PAPLN: variants seen among roughly 807,000 people sequenced by gnomAD.
PAPLN encodes the protein papilin, proteoglycan like sulfated glycoprotein.
In PAPLN, 146 loss-of-function variants were observed where a neutral mutation model predicts 159.0. That is an observed-to-expected ratio of 0.92 (90% CI 0.80 to 1.05). The LOEUF (loss-of-function observed/expected upper bound fraction) is 1.05. Among genes scored for constraint, PAPLN ranks in the 50% least tolerant of loss-of-function variants. The pLI, the probability that PAPLN is intolerant of heterozygous loss-of-function variation, is 0.00. For synonymous variants in PAPLN, 734 were observed against 702.9 expected (o/e 1.04, Z -0.70); for missense variants, 1,720 against 1,743.9 (o/e 0.99, Z 0.24).
intron 7 of PAPLN, 81 bp downstream of exon 7, chr14:73,251,111 G>A: frequency 6.5e-7 from 1 of 1,535,984 alleles, no homozygotes; most frequent in Non-Finnish European, 8.7e-7. Flanking sequence ...CTCTGGCCTA[G>A]ACTCCAGGCC....
chr14:73,268,230 A>C (rs758131063), intron 25 of PAPLN: 3 of 247,990 alleles, frequency 1.2e-5, no homozygotes, highest in Non-Finnish European at 2.3e-5. Flanking sequence ...TGCGATGCTG[A>C]CACACTATCT....
Position 73,265,259 on chromosome 14 carries a change from G to A in PAPLN, c.3126-111G>A. 6.7e-7 allele frequency: 1 copy of A among 1,488,564 alleles called. No homozygotes were observed. Among genetic ancestry groups the A allele is most frequent in the Non-Finnish European group, 8.9e-7 (1 of 1,118,856 alleles). 92.2% of individuals were successfully genotyped at this position (1,488,564 alleles called of 1,614,324 possible). A position where few individuals can be genotyped will look rare whatever the true frequency, so the allele number is the denominator to read the frequency against. On this transcript the variant is annotated intron_variant, in intron 22 of 26. Transcript: ENST00000644200. The surrounding 1 kb of genome is among the most constrained non-coding windows in gnomAD (Gnocchi z 4.1). ...ACAAGGCAGGGGATTTTAGGAAGCT[G>A]AATCTGGCTGGAGAGGGAGAAGGGG... is the stretch of plus-strand genomic sequence containing the variant.
chr14:73,254,824 C>G, intron 13 of PAPLN, 53 bp from the exon 14 acceptor site: 1 of 1,602,006 alleles, frequency 6.2e-7, no homozygotes. Flanking sequence ...ATGTGGGTCC[C>G]CGCCCCCAGC....
chr14:73,264,660 T>C lies in PAPLN; in HGVS notation c.3059T>C (p.Phe1020Ser), dbSNP rs1452459096. 1.9e-6 allele frequency: 3 copies of C among 1,609,032 alleles called. No homozygotes were observed. In the African/African-American group the frequency reaches 4.0e-5, roughly 22 times the overall value. The change falls in exon 22 of 27, where the codon TTT becomes TCT. Residue 1020 changes from phenylalanine (F) to serine (S), a missense_variant. Phe to Ser is a radical substitution (Grantham distance 155, BLOSUM62 -2). Transcript: ENST00000644200. ...FPQPRDPAQD[F>S]GQAGAAGPLG... ...CAGCCCAGGGACCCAGCTCAGGACTTTGGCCAAGCGGGGGCTGCTGGGCCC... is the reference window on the plus strand; with the variant it reads ...CAGCCCAGGGACCCAGCTCAGGACTCTGGCCAAGCGGGGGCTGCTGGGCCC...
At chr14:73,269,258 T>C (rs1371365842) in intron 26 of PAPLN, among the ~76,000 whole-genome samples, 3 of 151,232 alleles carry the variant, frequency 2.0e-5, no homozygotes, top group Non-Finnish European at 2.9e-5. Context: ...AAATGTGGCC[T>C]ACCTGGGACT....
chr14:73,239,544 T>G, intron 1 of PAPLN: 1 of 634,522 alleles, frequency 1.6e-6, no homozygotes, highest in South Asian at 2.7e-5. Context: ...GTTCTTGAAC[T>G]TCTGCCAGTT....
rs1341668980 is a variant in PAPLN, at chr14:73,265,810, T to C, written c.3263+303T>C. ...CAGCTATAACCATAATGGCTACCCT[T>C]TACTGAGCAGGCACTGAGTATGAGG... is the stretch of plus-strand genomic sequence containing the variant. On this transcript the variant is annotated intron_variant, in intron 23 of 26. Coordinates refer to ENST00000644200, the MANE Select transcript of PAPLN (RefSeq NM_001365906.3). The surrounding 1 kb of genome is among the most constrained non-coding windows in gnomAD (Gnocchi z 4.1). Among the ~76,000 whole-genome samples, 1 of 152,170 alleles carries C rather than the reference T, an allele frequency of 6.6e-6. No homozygotes were observed. The highest frequency in any genetic ancestry group is 2.1e-4 in the South Asian group (1 of 4,830).
chr14:73,246,276 A>G (rs899304178), intron 5 of PAPLN, 101 bp downstream of exon 5: 3 of 1,002,828 alleles, frequency 3.0e-6, no homozygotes, highest in African/African-American at 1.8e-5. Flanking sequence ...ATATATATAT[A>G]TATTAGAGAC....
chr14:73,264,784 C>A lies in PAPLN; in HGVS notation c.3125+58C>A, dbSNP rs554430902. ...CCACGCCAGGGCCAGGGCCGGGGGT[C>A]TCAGTGGATAAGGAGGGGAACGTCT... is the stretch of plus-strand genomic sequence containing the variant. On this transcript the variant is annotated intron_variant, in intron 22 of 26. Transcript: ENST00000644200. 2.5e-6 allele frequency: 4 copies of A among 1,603,974 alleles called. No individual in the cohort carries two copies. In the African/African-American group the frequency reaches 5.4e-5, roughly 22 times the overall value.
chr14:73,262,824 A>G lies in PAPLN; in HGVS notation c.2720A>G (p.Tyr907Cys), dbSNP rs1566701990. 6.8e-6 allele frequency: 10 copies of G among 1,475,676 alleles called. No homozygotes were observed. The highest frequency in any genetic ancestry group is 4.8e-5 in the East Asian group (2 of 41,488). 91.4% of individuals were successfully genotyped at this position (1,475,676 alleles called of 1,614,324 possible). ...SPAPPFHSSS[Y>C]RISLAGVEPS... ...GCGCCACCCTTCCACAGCTCCTCCTACAGGTGAGGCCCACCTTCCCCAGGT... is the reference window on the plus strand; with the variant it reads ...GCGCCACCCTTCCACAGCTCCTCCTGCAGGTGAGGCCCACCTTCCCCAGGT... Residue 907 changes from tyrosine to cysteine, a missense_variant, in exon 19 of 27, where the codon TAC becomes TGC. Coordinates refer to ENST00000644200, the MANE Select transcript of PAPLN (RefSeq NM_001365906.3).
intron 11 of PAPLN, 41 bp downstream of exon 11, chr14:73,252,816 G>T (rs780133663): frequency 1.2e-6 from 2 of 1,609,804 alleles, no homozygotes; most frequent in Non-Finnish European, 1.7e-6. Context: ...TGAGGCCCAA[G>T]AACTTGGGTG....
At chr14:73,243,095 C>G (rs529532409) in intron 2 of PAPLN, 2 of 152,368 alleles carry the variant, frequency 1.3e-5, no homozygotes, top group South Asian at 4.1e-4. Context: ...CGGGTTCAAG[C>G]AATTCTCCTG....
rs761036445 is a variant in PAPLN, at chr14:73,262,769, C to T, written c.2665C>T (p.Pro889Ser). 8 of 1,508,556 alleles carry T rather than the reference C, an allele frequency of 5.3e-6. No individual in the cohort carries two copies. In the East Asian group the frequency reaches 9.2e-5, roughly 17 times the overall value. 93.4% of individuals were successfully genotyped at this position (1,508,556 alleles called of 1,614,324 possible). Residue 889 changes from proline to serine, a missense_variant, in exon 19 of 27, where the codon CCT (proline) becomes TCT (serine). Pro to Ser is a moderately conservative substitution (Grantham distance 74). Transcript: ENST00000644200. ...GGGGCAGGAGCTTGGGTCCAGGGCC[C>T]CTGGACTGGGTGGAGATGCCGGATC... The part of the protein sequence containing the change: ...PWGQELGSRA[P>S]GLGGDAGSPA...
chr14:73,256,210 A>G (rs1209482744), intron 14 of PAPLN, among the ~76,000 whole-genome samples: 1 of 152,164 alleles, frequency 6.6e-6, no homozygotes, highest in Non-Finnish European at 1.5e-5. Context: ...AGCCTGTCCC[A>G]GGGACTAGCA....
At chr14:73,264,769 G>A (rs918289813) in intron 22 of PAPLN, 43 bp downstream of exon 22, 1 of 1,608,926 alleles carries the variant, frequency 6.2e-7, no homozygotes, top group Non-Finnish European at 8.5e-7. Flanking sequence ...CCACGCCAGG[G>A]CCAGGGCCGG....
intron 14 of PAPLN, among the ~76,000 whole-genome samples, chr14:73,256,009 G>A (rs780053492): frequency 6.6e-6 from 1 of 152,210 alleles, no homozygotes; most frequent in Non-Finnish European, 1.5e-5. Context: ...TGCTAGCTAA[G>A]CAGAGGGTGG....
chr14:73,259,946 A>AT (rs1259739933), intron 16 of PAPLN, among the ~76,000 whole-genome samples: 1 of 152,074 alleles, frequency 6.6e-6, no homozygotes, highest in Non-Finnish European at 1.5e-5. Flanking sequence ...GCCTTATGGA[A>AT]TGGGTCCGAG....
At chr14:73,266,393 G>GA in intron 23 of PAPLN, 108 bp from the exon 24 acceptor site, 1 of 1,359,992 alleles carries the variant, frequency 7.4e-7, no homozygotes, top group East Asian at 2.5e-5. Context: ...TCTCACCAGG[G>GA]ACCTAGAAGA....
At chr14:73,246,318 A>G in intron 5 of PAPLN, 143 bp downstream of exon 5, 5 of 662,778 alleles carry the variant, frequency 7.5e-6, no homozygotes, top group Non-Finnish European at 1.1e-5. Flanking sequence ...CTGGTCTTGA[A>G]CTCCTGGGCT....
Sources: gnomAD v4.1 joint callset for allele counts (sites outside exome capture counted in the v4.1 genomes callset) on GRCh38, gnomAD v4.1.1 for gene constraint, Gnocchi (gnomAD v3.1) non-coding constraint, MANE v1.5 for transcripts, NCBI Gene and HGNC (gene_info 2026-07-23, HGNC 2026-07-21) for gene names.